The following THSD7A variants were observed in gnomAD, a reference collection of about 807,000 sequenced individuals.
The protein encoded by THSD7A is thrombospondin type 1 domain containing 7A.
In THSD7A, 96 loss-of-function variants were observed where a neutral mutation model predicts 231.3. The observed-to-expected ratio is 0.41, with a 90% CI of 0.35 to 0.49. The LOEUF (loss-of-function observed/expected upper bound fraction) is 0.49. Among genes scored for constraint, THSD7A ranks in the 20% least tolerant of loss-of-function variants. The probability of loss-of-function intolerance (pLI) is 0.05; values close to 1 mark genes in which losing one functional copy is unlikely to be tolerated. For missense variants in THSD7A, 2,290 were observed against 2,070.2 expected, an observed-to-expected ratio of 1.11 and a Z score of -2.06; for synonymous variants, 940 against 743.3, an observed-to-expected ratio of 1.26 and a Z score of -4.30.
intron 1 of THSD7A, among the ~76,000 whole-genome samples, chr7:11,796,622 C>G (rs1784134399): frequency 7.2e-6 from 1 of 139,696 alleles, no homozygotes; most frequent in Non-Finnish European, 1.5e-5. Context: ...GTAAGATTAT[C>G]TCTAAGTATT....
At chr7:11,423,370 A>ATTTTT (rs757122867) in intron 16 of THSD7A, among the ~76,000 whole-genome samples, 21 of 136,208 alleles carry the variant, frequency 1.5e-4, no homozygotes, top group African/African-American at 3.0e-4. Context: ...CGAGTGCTGG[A>ATTTTT]TTTTTTTTTT....
At chr7:11,448,964 G>A (rs75966363) in intron 11 of THSD7A, among the ~76,000 whole-genome samples, 2,487 of 152,098 alleles carry the variant, frequency 0.016, 43 homozygotes, top group Middle Eastern at 0.031. Context: ...TTAGATGACA[G>A]AAACAAATAA....
intron 1 of THSD7A, among the ~76,000 whole-genome samples, chr7:11,721,964 G>A (rs531137026): frequency 4.6e-5 from 7 of 151,528 alleles, no homozygotes; most frequent in South Asian, 4.2e-4. Context: ...CCTTTAATAC[G>A]CTCTTTCCCT....
chr7:11,542,033 C>A (rs1431130382), intron 5 of THSD7A, among the ~76,000 whole-genome samples: 1 of 152,126 alleles, frequency 6.6e-6, no homozygotes, highest in East Asian at 1.9e-4. Context: ...TTTAGAAATA[C>A]CGATGACCAG....
chr7:11,618,549 C>A (rs988383555), intron 2 of THSD7A, among the ~76,000 whole-genome samples: 5 of 151,958 alleles, frequency 3.3e-5, no homozygotes, highest in African/African-American at 1.2e-4. Flanking sequence ...TGACTGCAAT[C>A]CCAGCATCTT....
intron 1 of THSD7A, among the ~76,000 whole-genome samples, chr7:11,708,794 T>C (rs764411614): frequency 6.6e-6 from 1 of 150,792 alleles, no homozygotes; most frequent in Non-Finnish European, 1.5e-5. Context: ...TTCACAATTA[T>C]TATCAAATAG....
intron 6 of THSD7A, among the ~76,000 whole-genome samples, chr7:11,489,846 G>T (rs374050579): frequency 7.9e-5 from 12 of 151,856 alleles, no homozygotes; most frequent in African/African-American, 2.9e-4. Flanking sequence ...ACAAACCCTT[G>T]ATATTCAATT....
At chr7:11,778,948 C>A (rs1783535570) in intron 1 of THSD7A, among the ~76,000 whole-genome samples, 1 of 152,026 alleles carries the variant, frequency 6.6e-6, no homozygotes, top group Non-Finnish European at 1.5e-5. Flanking sequence ...ATTCTTATAT[C>A]AATCCTATGA....
Position 11,424,714 on chromosome 7 carries a change from A to C in THSD7A, c.3365T>G (p.Val1122Gly), listed in dbSNP as rs1303203134. Residue 1122 changes from valine (V) to glycine (G), a missense_variant, in exon 16 of 28, where the codon GTG becomes GGG. Physicochemically the swap from Val to Gly is moderately radical, Grantham distance 109. Coordinates refer to ENST00000423059, the MANE Select transcript of THSD7A (RefSeq NM_015204.3). ...VNMRENCGEG[V>G]QTRKVRCMQN... Reference sequence around the variant, plus strand: ...GTCTTACCTCACTTTTCGGGTTTGCACGCCCTCTCCACAGTTCTCCCGCAT... The same window carrying C: ...GTCTTACCTCACTTTTCGGGTTTGCCCGCCCTCTCCACAGTTCTCCCGCAT... 2 of 1,613,790 alleles carry C rather than the reference A, an allele frequency of 1.2e-6. No individual in the cohort carries two copies. Among genetic ancestry groups the C allele is most frequent in the Non-Finnish European group, 1.7e-6 (2 of 1,179,882 alleles).
intron 2 of THSD7A, among the ~76,000 whole-genome samples, chr7:11,625,419 A>G (rs1473721991): frequency 2.0e-5 from 3 of 152,118 alleles, no homozygotes; most frequent in African/African-American, 7.2e-5. Context: ...TATACTGGTA[A>G]ATACTACTCA....
chr7:11,808,575 T>C (rs1784453337), intron 1 of THSD7A, among the ~76,000 whole-genome samples: 1 of 152,226 alleles, frequency 6.6e-6, no homozygotes, highest in Non-Finnish European at 1.5e-5. Flanking sequence ...TTTTCTATCA[T>C]ATTTAAAAGA....
At chr7:11,535,181 A>C (rs1788863291) in intron 6 of THSD7A, among the ~76,000 whole-genome samples, 1 of 152,186 alleles carries the variant, frequency 6.6e-6, no homozygotes, top group African/African-American at 2.4e-5. Flanking sequence ...TTAAAAAATA[A>C]AATACATAAA....
intron 1 of THSD7A, among the ~76,000 whole-genome samples, chr7:11,662,186 T>A (rs1255531073): frequency 6.6e-6 from 1 of 151,372 alleles, no homozygotes; most frequent in Non-Finnish European, 1.5e-5. Context: ...GTGATCAGAC[T>A]GGATATAAAA....
intron 2 of THSD7A, among the ~76,000 whole-genome samples, chr7:11,621,528 T>C (rs1199152845): frequency 6.6e-6 from 1 of 152,162 alleles, no homozygotes; most frequent in African/African-American, 2.4e-5. Flanking sequence ...TTTTTTTCTC[T>C]GATTTATCTT....
At chr7:11,485,498 A>T (rs11771250) in intron 6 of THSD7A, among the ~76,000 whole-genome samples, 10,178 of 152,284 alleles carry the variant, frequency 0.067, 377 homozygotes, top group South Asian at 0.12. Flanking sequence ...TGTTGTATAC[A>T]TCACCTCAGC....
intron 1 of THSD7A, among the ~76,000 whole-genome samples, chr7:11,688,377 G>T (rs1780126952): frequency 6.6e-6 from 1 of 151,746 alleles, no homozygotes; most frequent in East Asian, 1.9e-4. Flanking sequence ...CTATTTTAAA[G>T]CTCCTCAGAT....
chr7:11,529,173 T>G (rs755861958), intron 6 of THSD7A, among the ~76,000 whole-genome samples: 1 of 152,172 alleles, frequency 6.6e-6, no homozygotes, highest in Non-Finnish European at 1.5e-5. Flanking sequence ...CACATAATCT[T>G]GTTCTATTCA....
chr7:11,826,404 A>T (rs1562582714), intron 1 of THSD7A, among the ~76,000 whole-genome samples: 1 of 152,240 alleles, frequency 6.6e-6, no homozygotes, highest in Non-Finnish European at 1.5e-5. Flanking sequence ...TTATGTATTC[A>T]ACATTTTTTG....
chr7:11,545,925 C>A (rs981989325), intron 4 of THSD7A, among the ~76,000 whole-genome samples: 1 of 152,160 alleles, frequency 6.6e-6, no homozygotes, highest in African/African-American at 2.4e-5. Context: ...TAGCTTTCTT[C>A]CCCATGGCAC....
Sources: gnomAD v4.1 joint callset for allele counts (sites outside exome capture counted in the v4.1 genomes callset) on GRCh38, gnomAD v4.1.1 for gene constraint, MANE v1.5 for transcripts, NCBI Gene and HGNC (gene_info 2026-07-23, HGNC 2026-07-21) for gene names.